Variants in KCNC2 observed in about 807,000 individuals in gnomAD.
KCNC2 encodes the protein potassium voltage-gated channel subfamily C member 2.
In KCNC2, 21 loss-of-function variants were observed where a neutral mutation model predicts 44.5. The ratio of observed to expected loss-of-function variants is 0.47; its 90% CI spans 0.33 to 0.68. KCNC2 has a LOEUF of 0.68. Ranked by LOEUF, KCNC2 falls within the 30% of genes least tolerant of loss-of-function variation. The pLI is 0.01. For missense variants in KCNC2, 589 were observed against 826.2 expected (o/e 0.71, Z 3.52); for synonymous variants, 391 against 339.1 (o/e 1.15, Z -1.68).
intron 2 of KCNC2, among the ~76,000 whole-genome samples, chr12:75,077,538 A>G (rs558627054): frequency 6.6e-6 from 1 of 152,308 alleles, no homozygotes; most frequent in East Asian, 1.9e-4. Context: ...GGCATTACTC[A>G]TTTTTAATTA....
intron 2 of KCNC2, among the ~76,000 whole-genome samples, chr12:75,092,557 G>C (rs772591065): frequency 6.6e-6 from 1 of 151,454 alleles, no homozygotes; most frequent in Non-Finnish European, 1.5e-5. Flanking sequence ...ATTCACTGAT[G>C]ACAACTTATA....
chr12:75,179,978 T>G (rs1241143822), intron 2 of KCNC2, among the ~76,000 whole-genome samples: 1 of 151,800 alleles, frequency 6.6e-6, no homozygotes, highest in Admixed American at 6.6e-5. Flanking sequence ...GTAGACTGTG[T>G]GCTAAACATG....
At chr12:75,057,407 G>A (rs1187447723) in intron 2 of KCNC2, among the ~76,000 whole-genome samples, 1 of 151,986 alleles carries the variant, frequency 6.6e-6, no homozygotes, top group Non-Finnish European at 1.5e-5. Context: ...TGTCTGGTCT[G>A]CTGGTTCCAT....
chr12:75,071,167 A>G (rs1416129267), intron 2 of KCNC2, among the ~76,000 whole-genome samples: 1 of 152,160 alleles, frequency 6.6e-6, no homozygotes, highest in Non-Finnish European at 1.5e-5. Flanking sequence ...GGAACTCTTT[A>G]TATAGTTACT....
In KCNC2 at chr12:75,048,916, T is replaced by A. The variant is rs1278128158; in HGVS notation, c.1616-599A>T. ...GTCCTTGAAATAAGTATCTGTTTACTTCTGTATCCTTGCCAAAGACTTTCA... is the reference window on the plus strand; with the variant it reads ...GTCCTTGAAATAAGTATCTGTTTACATCTGTATCCTTGCCAAAGACTTTCA... On this transcript the variant is annotated intron_variant, in intron 3 of 4. Coordinates refer to ENST00000549446, the MANE Select transcript of KCNC2 (RefSeq NM_139137.4). Among the ~76,000 whole-genome samples the A allele has an allele frequency of 2.0e-5, 3 of 152,144 alleles. No homozygotes were observed. In the East Asian group the frequency reaches 5.8e-4, roughly 29 times the overall value.
chr12:75,079,739 T>C (rs1884313194), intron 2 of KCNC2, among the ~76,000 whole-genome samples: 1 of 152,162 alleles, frequency 6.6e-6, no homozygotes, highest in Non-Finnish European at 1.5e-5. Context: ...GCTGGAGTTT[T>C]TAGCTCTTAA....
intron 2 of KCNC2, among the ~76,000 whole-genome samples, chr12:75,169,067 A>G (rs1891643749): frequency 6.6e-6 from 1 of 151,506 alleles, no homozygotes; most frequent in East Asian, 1.9e-4. Flanking sequence ...TTTGTCAGTC[A>G]TCTCTCCACT....
chr12:75,105,475 T>C (rs1186912788), intron 2 of KCNC2, among the ~76,000 whole-genome samples: 7 of 152,060 alleles, frequency 4.6e-5, no homozygotes. Flanking sequence ...AGGTGAAGGA[T>C]GTGTTTGTTT....
In KCNC2 at chr12:75,149,000, CA is replaced by C. The variant is rs202065772; in HGVS notation, c.687+58296del. Among the ~76,000 whole-genome samples the C allele has an allele frequency of 7.0e-3, 824 of 118,140 alleles. 1 individual carries two copies. The highest frequency in any genetic ancestry group is 0.013 in the African/African-American group (449 of 33,548). The allele number at this position is 118,140 out of a possible 152,430, so 77.5% of individuals were successfully genotyped here. On this transcript the variant is annotated intron_variant, in intron 2 of 4. Transcript: ENST00000549446. ...GAGCATCTTTTTGGTGACTGATATA[CA>C]AAAAAAAAAAAAGAATCATAGAGGA...
chr12:75,129,870 G>C (rs1565878437), intron 2 of KCNC2, among the ~76,000 whole-genome samples: 1 of 152,132 alleles, frequency 6.6e-6, no homozygotes, highest in Non-Finnish European at 1.5e-5. Flanking sequence ...GGCAATTTAG[G>C]TATGTGGTTG....
At chr12:75,161,879 C>G (rs1485575314) in intron 2 of KCNC2, among the ~76,000 whole-genome samples, 2 of 151,610 alleles carry the variant, frequency 1.3e-5, no homozygotes, top group Admixed American at 6.6e-5. Context: ...AATATATAGG[C>G]AGAAATAGGA....
At chr12:75,172,646 A>T (rs1372709258) in intron 2 of KCNC2, among the ~76,000 whole-genome samples, 3 of 151,896 alleles carry the variant, frequency 2.0e-5, no homozygotes, top group Non-Finnish European at 4.4e-5. Context: ...AACCTTTTCA[A>T]TTTAAAATTA....
At chr12:75,193,680 G>A (rs1036435652) in intron 2 of KCNC2, among the ~76,000 whole-genome samples, 1 of 152,080 alleles carries the variant, frequency 6.6e-6, no homozygotes, top group African/African-American at 2.4e-5. Flanking sequence ...ACCCCATATT[G>A]ATTGAAATGC....
At chr12:75,166,296 C>A (rs1027402864) in intron 2 of KCNC2, among the ~76,000 whole-genome samples, 1 of 150,544 alleles carries the variant, frequency 6.6e-6, no homozygotes, top group Non-Finnish European at 1.5e-5. Flanking sequence ...TGAACCTGAA[C>A]CCCAGAATAC....
At chr12:75,122,796 C>T (rs773594445) in intron 2 of KCNC2, among the ~76,000 whole-genome samples, 37 of 151,648 alleles carry the variant, frequency 2.4e-4, no homozygotes, top group African/African-American at 7.3e-4. Flanking sequence ...AATCGGAAAG[C>T]GGAAAAGATA....
intron 1 of KCNC2, 41 bp from the exon 2 acceptor site, chr12:75,208,043 C>T (rs2031854690): frequency 6.2e-7 from 1 of 1,600,292 alleles, no homozygotes; most frequent in African/African-American, 1.4e-5. Context: ...AAGATCTTAG[C>T]CGTCAAAGAC....
rs756659245 is a variant in KCNC2, at chr12:75,207,440, C to T, written c.544G>A (p.Asp182Asn). 2 of 1,608,706 alleles carry T rather than the reference C, an allele frequency of 1.2e-6. No individual in the cohort carries two copies. The highest frequency in any genetic ancestry group is 2.2e-5 in the East Asian group (1 of 44,678). The change falls in exon 2 of 5, where the codon GAC (aspartate) becomes AAC (asparagine). Residue 182 changes from aspartate (D) to asparagine (N), a missense_variant. Asp to Asn is a conservative substitution (Grantham distance 23). Transcript: ENST00000549446. The surrounding 1 kb of genome is among the most constrained non-coding windows in gnomAD (Gnocchi z 4.1). ...PDLIGGDPGDDEDLAAKRLGI... is the reference protein window; with the variant it reads ...PDLIGGDPGDNEDLAAKRLGI... The stretch of plus-strand genomic sequence containing the variant: ...AGCCTCTTGGCCGCCAGGTCCTCGT[C>T]GTCGCCGGGGTCGCCGCCAATGAGG...
intron 2 of KCNC2, 92 bp from the exon 3 acceptor site, chr12:75,051,409 A>G: frequency 1.3e-6 from 1 of 743,544 alleles, no homozygotes; most frequent in South Asian, 2.0e-5. Flanking sequence ...CTGTAAATAA[A>G]AAAGAATAAC....
intron 2 of KCNC2, among the ~76,000 whole-genome samples, chr12:75,127,435 T>G (rs948203597): frequency 2.6e-5 from 4 of 152,066 alleles, no homozygotes; most frequent in Non-Finnish European, 5.9e-5. Flanking sequence ...TTGGAATTAA[T>G]AAATAATTGA....
Sources: gnomAD v4.1 joint callset for allele counts (sites outside exome capture counted in the v4.1 genomes callset) on GRCh38, gnomAD v4.1.1 for gene constraint, Gnocchi (gnomAD v3.1) non-coding constraint, MANE v1.5 for transcripts, NCBI Gene and HGNC (gene_info 2026-07-23, HGNC 2026-07-21) for gene names.